The following ZNF43 variants were observed in gnomAD, a reference collection of about 807,000 sequenced individuals.
The protein encoded by ZNF43 is zinc finger protein 39-like 1 (KOX 27).
ZNF43 carries 44 observed loss-of-function variants against 68.4 expected under a neutral mutation model. That is an observed-to-expected ratio of 0.64 (90% CI 0.51 to 0.83). The LOEUF is 0.83. ZNF43 is among the 40% of genes least tolerant of loss of function. The pLI, the probability that ZNF43 is intolerant of heterozygous loss-of-function variation, is 0.00. For missense variants in ZNF43, 896 were observed against 933.2 expected, an observed-to-expected ratio of 0.96 and a Z score of 0.52; for synonymous variants, 308 against 307.8, an observed-to-expected ratio of 1.00 and a Z score of -0.01.
intron 1 of ZNF43, among the ~76,000 whole-genome samples, chr19:21,834,740 G>A (rs944320138): frequency 6.7e-6 from 1 of 150,136 alleles, no homozygotes; most frequent in Non-Finnish European, 1.5e-5. Context: ...GAAACAAAGC[G>A]AGAGGAAGGA....
At chr19:21,818,105 AAT>A in intron 2 of ZNF43, 119 bp from the exon 3 acceptor site, 1 of 1,142,352 alleles carries the variant, frequency 8.8e-7, no homozygotes, top group Non-Finnish European at 1.2e-6. Context: ...CCAAAATACT[AAT>A]TTTTTTTTTT....
chr19:21,828,500 A>G (rs767243923), intron 1 of ZNF43, among the ~76,000 whole-genome samples: 19 of 151,688 alleles, frequency 1.3e-4, no homozygotes, highest in Non-Finnish European at 2.5e-4. Flanking sequence ...GGATCACCTG[A>G]GGTCAGGAGT....
Position 21,836,176 on chromosome 19 carries a change from C to A in ZNF43, c.-138G>T. On this transcript the variant is annotated 5_prime_UTR_variant, in exon 1 of 4. Coordinates refer to ENST00000354959, the MANE Select transcript of ZNF43 (RefSeq NM_003423.4). ...CGAGACGCAGAGCTCCAACTGCAGC[C>A]AGAGACAAAGGCCCCGCCACATCCC... is the stretch of plus-strand genomic sequence containing the variant. 6.5e-7 allele frequency: 1 copy of A among 1,537,094 alleles called. No individual in the cohort carries two copies. The highest frequency in any genetic ancestry group is 1.4e-5 in the African/African-American group (1 of 73,084).
intron 1 of ZNF43, among the ~76,000 whole-genome samples, chr19:21,828,830 G>A (rs1201183748): frequency 6.6e-6 from 1 of 151,086 alleles, no homozygotes; most frequent in African/African-American, 2.4e-5. Context: ...TCAGGAGATC[G>A]AGACCATCCT....
At chr19:21,830,555 G>GAAA (rs562293163) in intron 1 of ZNF43, among the ~76,000 whole-genome samples, 3,266 of 101,836 alleles carry the variant, frequency 0.032, 66 homozygotes, top group African/African-American at 0.067. Context: ...TCCAAAGACT[G>GAAA]AAAAAAAAAA....
At chr19:21,813,641 TTGTC>T (rs1166394805) in intron 3 of ZNF43, among the ~76,000 whole-genome samples, 5 of 152,220 alleles carry the variant, frequency 3.3e-5, no homozygotes, top group African/African-American at 1.2e-4. Flanking sequence ...AAAACGCTGT[TTGTC>T]AAGCGCTGAA....
At chr19:21,810,977 A>C (rs1192485425) in intron 3 of ZNF43, among the ~76,000 whole-genome samples, 1 of 152,092 alleles carries the variant, frequency 6.6e-6, no homozygotes, top group Non-Finnish European at 1.5e-5. Flanking sequence ...AAATAAATTT[A>C]AGAAGACCAA....
chr19:21,831,004 C>T (rs1009145687), intron 1 of ZNF43, among the ~76,000 whole-genome samples: 9 of 152,162 alleles, frequency 5.9e-5, no homozygotes, highest in African/African-American at 1.9e-4. Context: ...ACCAAAACCA[C>T]AAGATTATCT....
intron 1 of ZNF43, among the ~76,000 whole-genome samples, chr19:21,841,960 A>C (rs994726713): frequency 6.6e-6 from 1 of 152,230 alleles, no homozygotes; most frequent in African/African-American, 2.4e-5. Flanking sequence ...GGGTCCAACA[A>C]CTAGGTGATG....
chr19:21,837,415 CTTTTTT>C (rs539940868), upstream of ZNF43, among the ~76,000 whole-genome samples: 116 of 83,934 alleles, frequency 1.4e-3, no homozygotes, highest in Non-Finnish European at 2.0e-3. Flanking sequence ...CCTACACTTA[CTTTTTT>C]TTTTTTTTTT....
chr19:21,849,668 G>A (rs1968208205), intron 1 of ZNF43, among the ~76,000 whole-genome samples: 1 of 151,936 alleles, frequency 6.6e-6, no homozygotes, highest in Non-Finnish European at 1.5e-5. Flanking sequence ...AAATTGCCCA[G>A]GAGGCGGAGG....
At chr19:21,838,679 A>G (rs906319224), upstream of ZNF43, among the ~76,000 whole-genome samples, 4 of 152,072 alleles carry the variant, frequency 2.6e-5, no homozygotes, top group Non-Finnish European at 5.9e-5. Context: ...GGATTACAGG[A>G]GTAAGCCACC....
intron 1 of ZNF43, among the ~76,000 whole-genome samples, chr19:21,842,610 G>A (rs562835541): frequency 2.4e-4 from 37 of 152,034 alleles, no homozygotes; most frequent in African/African-American, 8.7e-4. Flanking sequence ...TGTGGGTAAG[G>A]CTCATAAAGA....
upstream of ZNF43, chr19:21,836,282 G>T: frequency 7.7e-7 from 1 of 1,304,988 alleles, no homozygotes; most frequent in Non-Finnish European, 9.8e-7. Flanking sequence ...AACTTCTAAG[G>T]TCCTGCCCCC....
chr19:21,832,164 T>C (rs533373835), intron 1 of ZNF43, among the ~76,000 whole-genome samples: 63 of 152,292 alleles, frequency 4.1e-4, no homozygotes, highest in African/African-American at 1.4e-3. Context: ...CAAAGCAGCA[T>C]GGTACTGTTA....
chr19:21,810,848 G>C (rs532524279), intron 3 of ZNF43, among the ~76,000 whole-genome samples: 4 of 152,030 alleles, frequency 2.6e-5, no homozygotes, highest in Non-Finnish European at 5.9e-5. Flanking sequence ...TACTTAAGGG[G>C]CTAAGGTTGA....
At chr19:21,850,321 G>A (rs549550580) in intron 1 of ZNF43, among the ~76,000 whole-genome samples, 37 of 149,108 alleles carry the variant, frequency 2.5e-4, no homozygotes, top group Admixed American at 1.0e-3. Flanking sequence ...CCAGCACTTC[G>A]GGAGGCCGAA....
At position 21,835,949 on chromosome 19, in the gene ZNF43, C is replaced by G. The variant is rs2038702759; in HGVS notation, c.3+87G>C. On this transcript the variant is annotated intron_variant, in intron 1 of 3. Transcript: ENST00000354959. ...GCCGAGCTGGGCAAGAACTCCGGCACGCGCAGATTGTGGAGCTGACTGCGG... is the reference window on the plus strand; with the variant it reads ...GCCGAGCTGGGCAAGAACTCCGGCAGGCGCAGATTGTGGAGCTGACTGCGG... 4 of 1,604,102 alleles carry G rather than the reference C, an allele frequency of 2.5e-6. No individual in the cohort carries two copies. In the East Asian group the frequency reaches 6.7e-5, roughly 27 times the overall value.
At chr19:21,836,315 G>C (rs1277600869), upstream of ZNF43, 2 of 1,159,016 alleles carry the variant, frequency 1.7e-6, no homozygotes, top group East Asian at 3.6e-5. Flanking sequence ...TGAAAGATGT[G>C]ATCAGACGCT....
Sources: allele counts gnomAD v4.1 joint callset (sites outside exome capture counted in the v4.1 genomes callset), GRCh38; gene constraint gnomAD v4.1.1; transcripts MANE v1.5; gene names NCBI Gene and HGNC (gene_info 2026-07-23, HGNC 2026-07-21).